LCORL: variants seen among roughly 807,000 people sequenced by gnomAD.
LCORL encodes ligand dependent nuclear receptor corepressor like, also known as ligand-dependent nuclear receptor corepressor-like protein.
LCORL carries 41 observed loss-of-function variants against 141.8 expected under a neutral mutation model. The ratio of observed to expected loss-of-function variants is 0.29; its 90% confidence interval spans 0.23 to 0.38. LCORL has a LOEUF of 0.38. Among genes scored for constraint, LCORL ranks in the 10% least tolerant of loss-of-function variants. The pLI, the probability that LCORL is intolerant of heterozygous loss-of-function variation, is 1.00. For synonymous variants in LCORL, 618 were observed against 694.1 expected, an observed-to-expected ratio of 0.89 and a Z score of 1.72; for missense variants, 1,759 against 2,035.0, an observed-to-expected ratio of 0.86 and a Z score of 2.61.
At chr4:17,853,546 G>A (rs1348729586) in intron 7 of LCORL, among the ~76,000 whole-genome samples, 1 of 152,130 alleles carries the variant, frequency 6.6e-6, no homozygotes, top group Non-Finnish European at 1.5e-5. Flanking sequence ...TTTTCAAAGG[G>A]AGAAGTCAGC....
At chr4:17,960,687 C>T (rs1044006425) in intron 4 of LCORL, among the ~76,000 whole-genome samples, 1 of 152,062 alleles carries the variant, frequency 6.6e-6, no homozygotes, top group African/African-American at 2.4e-5. Flanking sequence ...AACAAATGGG[C>T]TGAAGCAATT....
At chr4:17,999,026 A>ATAG (rs1721465629) in intron 1 of LCORL, among the ~76,000 whole-genome samples, 1 of 140,866 alleles carries the variant, frequency 7.1e-6, no homozygotes, top group African/African-American at 2.6e-5. Flanking sequence ...ATATATATAT[A>ATAG]TATAGTATAG....
exon 7 of LCORL, chr4:17,877,788 C>T: frequency 2.4e-6 from 3 of 1,230,592 alleles, no homozygotes; most frequent in Non-Finnish European, 3.0e-6. Context: ...TGGTAACAGT[C>T]CAGAACAGCA....
At chr4:17,880,864 T>C (rs1213701102) in intron 6 of LCORL, 26 of 856,616 alleles carry the variant, frequency 3.0e-5, no homozygotes, top group Non-Finnish European at 3.5e-5. Flanking sequence ...TCATGAATTA[T>C]AGTGCAATTG....
At chr4:17,871,476 G>A (rs1364468997) in intron 7 of LCORL, among the ~76,000 whole-genome samples, 1 of 151,908 alleles carries the variant, frequency 6.6e-6, no homozygotes, top group African/African-American at 2.4e-5. Context: ...TTCATATTTA[G>A]TGGGGGTAAA....
chr4:17,882,094 T>A, intron 6 of LCORL: 1 of 984,536 alleles, frequency 1.0e-6, no homozygotes, highest in Non-Finnish European at 1.2e-6. Flanking sequence ...AGTTTCTCAC[T>A]CTTCAGTTTC....
At chr4:17,889,213 T>C (rs1169645178) in intron 5 of LCORL, among the ~76,000 whole-genome samples, 1 of 152,114 alleles carries the variant, frequency 6.6e-6, no homozygotes. Context: ...CTCTACTCCA[T>C]CTTTCAGAAA....
intron 7 of LCORL, among the ~76,000 whole-genome samples, chr4:17,872,971 TG>T (rs1726533403): frequency 6.6e-6 from 1 of 152,088 alleles, no homozygotes; most frequent in Non-Finnish European, 1.5e-5. Flanking sequence ...CTCATAGTTG[TG>T]GTTGATTTCT....
chr4:17,979,407 C>G (rs914967666), intron 1 of LCORL, among the ~76,000 whole-genome samples: 1 of 152,144 alleles, frequency 6.6e-6, no homozygotes, highest in African/African-American at 2.4e-5. Flanking sequence ...CAGAGGTGGA[C>G]GTTCATCCTC....
At chr4:18,013,094 C>G (rs535303600) in intron 1 of LCORL, among the ~76,000 whole-genome samples, 1 of 152,282 alleles carries the variant, frequency 6.6e-6, no homozygotes, top group East Asian at 1.9e-4. Flanking sequence ...ACAATGTACA[C>G]TTCCCTGTTT....
intron 6 of LCORL, chr4:17,880,696 T>TTAC (rs1245187234): frequency 1.0e-6 from 1 of 974,540 alleles, no homozygotes; most frequent in African/African-American, 1.8e-5. Context: ...TTGAAGTGCT[T>TTAC]TACTACAAAT....
chr4:17,881,442 G>A, intron 6 of LCORL: 1 of 895,584 alleles, frequency 1.1e-6, no homozygotes, highest in Non-Finnish European at 1.3e-6. Flanking sequence ...AAAAGTTATG[G>A]GTTGATTATT....
At chr4:17,998,040 T>A (rs1202394218) in intron 1 of LCORL, among the ~76,000 whole-genome samples, 2 of 152,222 alleles carry the variant, frequency 1.3e-5, no homozygotes, top group Non-Finnish European at 2.9e-5. Flanking sequence ...AAGAGCCTAC[T>A]GTATACAGTC....
chr4:17,984,423 T>C (rs1360695342), intron 1 of LCORL, among the ~76,000 whole-genome samples: 1 of 152,142 alleles, frequency 6.6e-6, no homozygotes, highest in Non-Finnish European at 1.5e-5. Flanking sequence ...TGGTAGGGTA[T>C]TCATTACTGA....
At chr4:17,917,923 T>C (rs1327273793) in intron 4 of LCORL, among the ~76,000 whole-genome samples, 4 of 150,262 alleles carry the variant, frequency 2.7e-5, no homozygotes, top group Non-Finnish European at 5.9e-5. Flanking sequence ...TCCTTTGCGC[T>C]GAAGTTACAG....
chr4:17,945,284 C>A (rs1263123744), intron 4 of LCORL, among the ~76,000 whole-genome samples: 1 of 151,954 alleles, frequency 6.6e-6, no homozygotes, highest in African/African-American at 2.4e-5. Flanking sequence ...AGATGATAAT[C>A]TTTTAAATTA....
At chr4:17,883,885 T>C in intron 6 of LCORL, 1 of 1,550,688 alleles carries the variant, frequency 6.4e-7, no homozygotes, top group Non-Finnish European at 8.7e-7. Context: ...CATAAATTCC[T>C]TGTGCTTTGG....
At chr4:17,857,441 TGACACATG>T (rs1465841893) in intron 7 of LCORL, among the ~76,000 whole-genome samples, 7 of 152,206 alleles carry the variant, frequency 4.6e-5, no homozygotes, top group Non-Finnish European at 7.3e-5. Context: ...ATTGACCTTC[TGACACATG>T]GAGCATTTGG....
At chr4:17,909,102 G>T in exon 5 of LCORL, 1 of 1,595,724 alleles carries the variant, frequency 6.3e-7, no homozygotes, top group Non-Finnish European at 8.5e-7. Context: ...ACCTTGCTGA[G>T]TATTTTGTTC....
Sources: allele counts gnomAD v4.1 joint callset (sites outside exome capture counted in the v4.1 genomes callset), GRCh38; gene constraint gnomAD v4.1.1; transcripts MANE v1.5; gene names NCBI Gene and HGNC (gene_info 2026-07-23, HGNC 2026-07-21).